Variants in MPPED2 observed in about 807,000 individuals in gnomAD.
MPPED2 encodes the protein metallophosphoesterase domain containing 2.
Under a neutral mutation model 33.0 loss-of-function variants are expected in MPPED2, and 5 were observed. The observed-to-expected ratio is 0.15, with a 90% CI of 0.08 to 0.32. The LOEUF (loss-of-function observed/expected upper bound fraction) is 0.32, where lower values mean the gene tolerates loss of function less well. MPPED2 is among the 10% of genes least tolerant of loss of function. The pLI is 1.00. For missense variants in MPPED2, 275 were observed against 372.1 expected, an observed-to-expected ratio of 0.74 and a Z score of 2.15; for synonymous variants, 136 against 141.9, an observed-to-expected ratio of 0.96 and a Z score of 0.29.
chr11:30,427,220 A>T (rs1948879725), intron 4 of MPPED2, among the ~76,000 whole-genome samples: 1 of 152,116 alleles, frequency 6.6e-6, no homozygotes, highest in Non-Finnish European at 1.5e-5. Context: ...TACATAGCGA[A>T]CTCTCAAGAA....
chr11:30,412,082 A>G (rs776031721), intron 6 of MPPED2, among the ~76,000 whole-genome samples: 8 of 151,788 alleles, frequency 5.3e-5, no homozygotes, highest in Non-Finnish European at 7.4e-5. Context: ...TATTTATGAA[A>G]TAATCTCTTA....
In MPPED2 at chr11:30,429,495, T is replaced by C. The variant is rs1319999731; in HGVS notation, c.537-11862A>G. On this transcript the variant is annotated intron_variant, in intron 4 of 6. Transcript: ENST00000358117. ...CAGTACACACAATCAGAGGAATGAG[T>C]AAAAAGCTTAGACTGCCCTTCAATT... Among the ~76,000 whole-genome samples the C allele has an allele frequency of 3.3e-5, 5 of 152,202 alleles. No homozygotes were observed. The East Asian group carries it at 9.7e-4, about 29-fold the overall frequency.
intron 6 of MPPED2, 28 bp from the exon 7 acceptor site, chr11:30,411,614 G>A: frequency 6.2e-7 from 1 of 1,601,140 alleles, no homozygotes; most frequent in African/African-American, 1.3e-5. Context: ...CACATTTACT[G>A]TAATATATAC....
intron 3 of MPPED2, among the ~76,000 whole-genome samples, chr11:30,516,083 T>C (rs1448257689): frequency 6.6e-6 from 1 of 152,138 alleles, no homozygotes; most frequent in Non-Finnish European, 1.5e-5. Context: ...TGATAAATCA[T>C]AACATCTTTC....
At chr11:30,423,473 A>C (rs1452922774) in intron 4 of MPPED2, among the ~76,000 whole-genome samples, 1 of 152,196 alleles carries the variant, frequency 6.6e-6, no homozygotes, top group African/African-American at 2.4e-5. Context: ...GGAAAGTGCA[A>C]AGATCACATA....
chr11:30,485,434 T>A (rs1192893573), intron 4 of MPPED2, among the ~76,000 whole-genome samples: 8 of 152,224 alleles, frequency 5.3e-5, no homozygotes, highest in Admixed American at 5.2e-4. Flanking sequence ...AAATAACATG[T>A]GTAACATTTA....
intron 4 of MPPED2, among the ~76,000 whole-genome samples, chr11:30,442,372 G>A (rs1045618802): frequency 2.0e-5 from 3 of 152,212 alleles, no homozygotes; most frequent in African/African-American, 4.8e-5. Context: ...AGCAATAGGG[G>A]AAGCTTTGCT....
At chr11:30,394,903 A>T (rs904296776) in intron 6 of MPPED2, among the ~76,000 whole-genome samples, 1 of 152,152 alleles carries the variant, frequency 6.6e-6, no homozygotes, top group East Asian at 1.9e-4. Flanking sequence ...GAGACAACTT[A>T]CTTTTTTCTG....
intron 3 of MPPED2, among the ~76,000 whole-genome samples, chr11:30,498,839 G>A (rs976102321): frequency 1.3e-5 from 2 of 152,038 alleles, no homozygotes. Flanking sequence ...TAACTTACAG[G>A]GACAATAAAG....
intron 2 of MPPED2, among the ~76,000 whole-genome samples, chr11:30,541,351 CAAAT>C (rs1210253370): frequency 1.3e-5 from 2 of 152,108 alleles, no homozygotes; most frequent in Non-Finnish European, 2.9e-5. Flanking sequence ...TTTCCAATAA[CAAAT>C]GAATACAGTA....
At chr11:30,401,841 TG>T (rs1471646179) in intron 6 of MPPED2, among the ~76,000 whole-genome samples, 2 of 142,766 alleles carry the variant, frequency 1.4e-5, no homozygotes. Context: ...CCCGCTACCA[TG>T]GCCAGCTAAT....
intron 2 of MPPED2, among the ~76,000 whole-genome samples, chr11:30,571,348 A>G (rs1956681177): frequency 6.6e-6 from 1 of 152,086 alleles, no homozygotes; most frequent in Non-Finnish European, 1.5e-5. Context: ...GAATAAAACC[A>G]ATCTTCAAAG....
intron 5 of MPPED2, 117 bp downstream of exon 5, chr11:30,417,401 C>T (rs492604): frequency 0.9 from 510,822 of 565,574 alleles, 231,511 homozygotes; most frequent in East Asian, 1. Flanking sequence ...GACTTTTCTT[C>T]TCGTATTCAC....
intron 6 of MPPED2, among the ~76,000 whole-genome samples, chr11:30,397,030 A>G (rs1039630807): frequency 6.6e-6 from 1 of 152,122 alleles, no homozygotes; most frequent in African/African-American, 2.4e-5. Context: ...TTCAAGGCTT[A>G]TATTCTGTTC....
chr11:30,546,563 C>A (rs1955435667), intron 2 of MPPED2, among the ~76,000 whole-genome samples: 1 of 152,122 alleles, frequency 6.6e-6, no homozygotes, highest in Non-Finnish European at 1.5e-5. Flanking sequence ...GTTAATTGTG[C>A]TTATTGGAAG....
intron 3 of MPPED2, among the ~76,000 whole-genome samples, chr11:30,520,212 T>C (rs148701341): frequency 3.1e-4 from 47 of 152,198 alleles, no homozygotes; most frequent in African/African-American, 9.2e-4. Context: ...CTAAAAAAAA[T>C]GTAAAAAATG....
chr11:30,451,390 C>A (rs1189912262), intron 4 of MPPED2, among the ~76,000 whole-genome samples: 2 of 152,168 alleles, frequency 1.3e-5, no homozygotes, highest in East Asian at 3.9e-4. Context: ...CTAACCTGGC[C>A]CCCCTGCAGT....
chr11:30,437,164 G>A (rs1949362597), intron 4 of MPPED2, among the ~76,000 whole-genome samples: 1 of 152,176 alleles, frequency 6.6e-6, no homozygotes, highest in Admixed American at 6.5e-5. Context: ...CTGGGCTCAA[G>A]CATTAGGATG....
chr11:30,400,402 A>C (rs985977998), intron 6 of MPPED2, among the ~76,000 whole-genome samples: 1 of 152,206 alleles, frequency 6.6e-6, no homozygotes, highest in African/African-American at 2.4e-5. Context: ...AAGTGCCTTA[A>C]TGGAATGAAA....
Sources: allele counts gnomAD v4.1 joint callset (sites outside exome capture counted in the v4.1 genomes callset), GRCh38; gene constraint gnomAD v4.1.1; transcripts MANE v1.5; gene names NCBI Gene and HGNC (gene_info 2026-07-23, HGNC 2026-07-21).